PPFIA2: variants seen among roughly 807,000 people sequenced by gnomAD.
PPFIA2 encodes liprin-alpha-2.
In PPFIA2, 46 loss-of-function variants were observed where a neutral mutation model predicts 175.5. The ratio of observed to expected loss-of-function variants is 0.26; its 90% CI spans 0.21 to 0.34. The LOEUF is 0.34. Ranked by LOEUF, PPFIA2 falls within the 10% of genes least tolerant of loss-of-function variation. PPFIA2 has a pLI of 1.00. For synonymous variants in PPFIA2, 568 were observed against 511.4 expected (o/e 1.11, Z -1.49); for missense variants, 1,179 against 1,506.1 (o/e 0.78, Z 3.60).
At chr12:81,590,674 C>A (rs138735587) in intron 4 of PPFIA2, among the ~76,000 whole-genome samples, 2 of 151,880 alleles carry the variant, frequency 1.3e-5, no homozygotes, top group African/African-American at 4.8e-5. Context: ...ATGAGTCTCA[C>A]GAGATCTGAT....
chr12:81,676,722 C>A, intron 4 of PPFIA2, 69 bp downstream of exon 4: 1 of 1,091,654 alleles, frequency 9.2e-7, no homozygotes. Flanking sequence ...TACAAGCAAT[C>A]AACTGATAAT....
At chr12:81,687,599 G>A in intron 3 of PPFIA2, 1 of 151,996 alleles carries the variant, frequency 6.6e-6, no homozygotes. Context: ...CAAAATGTAA[G>A]ACACATGCAA....
intron 4 of PPFIA2, among the ~76,000 whole-genome samples, chr12:81,510,414 T>C (rs1443965917): frequency 6.6e-6 from 1 of 152,174 alleles, no homozygotes; most frequent in African/African-American, 2.4e-5. Flanking sequence ...GTGTAATCTT[T>C]ATCAGCAGAG....
intron 4 of PPFIA2, among the ~76,000 whole-genome samples, chr12:81,597,528 GC>G (rs1432260176): frequency 1.3e-5 from 2 of 151,998 alleles, no homozygotes; most frequent in African/African-American, 4.8e-5. Flanking sequence ...TATATGAAAT[GC>G]AAAATATTTT....
intron 8 of PPFIA2, among the ~76,000 whole-genome samples, chr12:81,392,899 A>G (rs1279768842): frequency 1.3e-5 from 2 of 151,982 alleles, no homozygotes; most frequent in African/African-American, 4.8e-5. Flanking sequence ...CATCTTTTAT[A>G]CAATCTATGA....
In PPFIA2 at chr12:81,304,920, T is replaced by G. The variant is rs144651838; in HGVS notation, c.2643-5538A>C. Among the ~76,000 whole-genome samples the G allele has an allele frequency of 4.3e-3, 658 of 152,164 alleles. 9 individuals are homozygous for G. Among genetic ancestry groups the G allele is most frequent in the Admixed American group, 0.02 (305 of 15,260 alleles). On this transcript the variant is annotated intron_variant, in intron 22 of 32. Transcript: ENST00000549396. ...TCTGGCTGTTGAGGATAGCACGGAC[T>G]TGAGTCAGGCCAGAGTTGTGATCTA...
chr12:81,517,487 A>G (rs1238437107), intron 4 of PPFIA2, among the ~76,000 whole-genome samples: 1 of 152,198 alleles, frequency 6.6e-6, no homozygotes, highest in Non-Finnish European at 1.5e-5. Flanking sequence ...CGAGGTGCCG[A>G]GACCTCGGCT....
intron 7 of PPFIA2, among the ~76,000 whole-genome samples, chr12:81,409,017 T>C (rs764613870): frequency 3.3e-5 from 5 of 152,204 alleles, no homozygotes; most frequent in Non-Finnish European, 5.9e-5. Flanking sequence ...TTAAGCATTT[T>C]CTTCAATCTG....
intron 4 of PPFIA2, among the ~76,000 whole-genome samples, chr12:81,672,834 G>T (rs2071696058): frequency 6.6e-6 from 1 of 151,872 alleles, no homozygotes; most frequent in Admixed American, 6.6e-5. Flanking sequence ...CTTCACATTT[G>T]ACCAATGTAT....
At chr12:81,281,032 A>G (rs1327429820) in intron 27 of PPFIA2, among the ~76,000 whole-genome samples, 4 of 152,088 alleles carry the variant, frequency 2.6e-5, no homozygotes, top group African/African-American at 9.6e-5. Flanking sequence ...TTGTACACAT[A>G]TATTTCCATA....
chr12:81,281,277 T>C lies in PPFIA2; in HGVS notation c.3192A>G (p.Lys1064=). 1 of 1,604,368 alleles carries C rather than the reference T, an allele frequency of 6.2e-7. No homozygotes were observed. The highest frequency in any genetic ancestry group is 1.3e-5 in the African/African-American group (1 of 74,750). ...CCTACCGATGGAAACTATCCACCAT[T>C]TTTAAATGGACACGGAGATCTTTTT... ...LTKKDLRVHL[K]MVDSFHRTSL... Residue 1064 remains lysine, a synonymous_variant, in exon 27 of 33, where the codon AAA becomes AAG. Transcript: ENST00000549396.
At chr12:81,465,622 G>A (rs1434677292) in intron 4 of PPFIA2, among the ~76,000 whole-genome samples, 2 of 151,928 alleles carry the variant, frequency 1.3e-5, no homozygotes, top group African/African-American at 4.8e-5. Context: ...GAAAGCTTTG[G>A]ATTTTAAATC....
chr12:81,259,724 C>T, intron 32 of PPFIA2, 64 bp from the exon 33 acceptor site: 1 of 1,434,266 alleles, frequency 7.0e-7, no homozygotes. Flanking sequence ...TCTCATTCTA[C>T]TCCTCTGTGG....
chr12:81,355,711 T>C, intron 16 of PPFIA2, among the ~76,000 whole-genome samples: 1 of 152,206 alleles, frequency 6.6e-6, no homozygotes. Flanking sequence ...TCCTTAAACT[T>C]TATGAACTGA....
intron 4 of PPFIA2, among the ~76,000 whole-genome samples, chr12:81,538,800 C>T (rs1475505124): frequency 6.6e-6 from 1 of 151,764 alleles, no homozygotes; most frequent in African/African-American, 2.4e-5. Flanking sequence ...GTCCATGGGT[C>T]ATTCTAAGAA....
chr12:81,294,896 C>T lies in PPFIA2; in HGVS notation c.2864G>A (p.Arg955Gln), dbSNP rs1348041637. 1.9e-6 allele frequency: 3 copies of T among 1,613,446 alleles called. No individual in the cohort carries two copies. Among genetic ancestry groups the T allele is most frequent in the African/African-American group, 1.3e-5 (1 of 74,996 alleles). Residue 955 changes from arginine to glutamine, a missense_variant, in exon 24 of 33, where the codon CGA (arginine) becomes CAA (glutamine). Coordinates refer to ENST00000549396, the MANE Select transcript of PPFIA2 (RefSeq NM_003625.5). ...GGAAACCATCTCCTGGATTGCTAAT[C>T]GAAGTTTTAAGCGATGCAGTGGATT... is the stretch of plus-strand genomic sequence containing the variant. ...ISNPLHRLKL[R>Q]LAIQEMVSLT...
chr12:81,282,920 A>T, intron 26 of PPFIA2, 90 bp downstream of exon 26: 1 of 1,161,190 alleles, frequency 8.6e-7, no homozygotes. Flanking sequence ...GTGAAGGTTT[A>T]CAATATTATG....
chr12:81,427,615 A>G lies in PPFIA2; in HGVS notation c.645+12357T>C, dbSNP rs145347269. On this transcript the variant is annotated intron_variant, in intron 7 of 32. Coordinates refer to ENST00000549396, the MANE Select transcript of PPFIA2 (RefSeq NM_003625.5). Reference sequence around the variant, plus strand: ...GAAGAAGATTTCAAAATACAAAAAAAAGGAGATGTAGTCGTGGGTATAACA... The same window carrying G: ...GAAGAAGATTTCAAAATACAAAAAAGAGGAGATGTAGTCGTGGGTATAACA... 5.9e-3 allele frequency among the ~76,000 whole-genome samples: 904 copies of G among 152,206 alleles called. 8 individuals carry two copies. The highest frequency in any genetic ancestry group is 9.5e-3 in the Non-Finnish European group (644 of 67,924).
intron 4 of PPFIA2, among the ~76,000 whole-genome samples, chr12:81,517,179 C>G (rs551167272): frequency 7.1e-6 from 1 of 140,560 alleles, no homozygotes; most frequent in East Asian, 2.3e-4. Flanking sequence ...TCCACTCAAA[C>G]TAGTGGGAAA....
Sources: gnomAD v4.1 joint callset for allele counts (sites outside exome capture counted in the v4.1 genomes callset) on GRCh38, gnomAD v4.1.1 for gene constraint, MANE v1.5 for transcripts, NCBI Gene and HGNC (gene_info 2026-07-23, HGNC 2026-07-21) for gene names.